The following RNF150 variants were observed in gnomAD, a reference collection of about 807,000 sequenced individuals.
RNF150 encodes the protein ring finger protein 150.
A neutral mutation model predicts 39.3 loss-of-function variants in RNF150; 24 were observed. The ratio of observed to expected loss-of-function variants is 0.61; its 90% CI spans 0.44 to 0.86. RNF150 has a LOEUF of 0.86. Among genes scored for constraint, RNF150 ranks in the 40% least tolerant of loss-of-function variants. The probability of loss-of-function intolerance (pLI) is 0.00; values close to 1 mark genes in which losing one functional copy is unlikely to be tolerated. For synonymous variants in RNF150, 255 were observed against 227.3 expected (o/e 1.12, Z -1.10); for missense variants, 502 against 587.8 (o/e 0.85, Z 1.51).
Position 140,989,100 on chromosome 4 carries a change from A to G in RNF150, c.485-21227T>C, listed in dbSNP as rs191031156. Among the ~76,000 whole-genome samples the G allele has an allele frequency of 2.0e-5, 3 of 152,258 alleles. No homozygotes were observed. The East Asian group carries it at 5.8e-4, about 29-fold the overall frequency. On this transcript the variant is annotated intron_variant, in intron 1 of 6. Transcript: ENST00000515673. ...AACTGTAGCAGTTTAGCTTCATTGT[A>G]GTTAAAACCTGGTTGCTTCCAAAGT...
At chr4:140,882,294 CA>C (rs2111206726) in intron 6 of RNF150, among the ~76,000 whole-genome samples, 1 of 152,338 alleles carries the variant, frequency 6.6e-6, no homozygotes, top group East Asian at 1.9e-4. Context: ...GCTGGGATTA[CA>C]GGTGTGAGCC....
chr4:141,207,231 T>C (rs1203182978), intron 1 of RNF150, among the ~76,000 whole-genome samples: 1 of 151,080 alleles, frequency 6.6e-6, no homozygotes, highest in Non-Finnish European at 1.5e-5. Context: ...ATATTAACCA[T>C]CACACAGATT....
At chr4:140,918,107 CA>C (rs1730923868) in intron 5 of RNF150, among the ~76,000 whole-genome samples, 1 of 152,016 alleles carries the variant, frequency 6.6e-6, no homozygotes, top group Admixed American at 6.6e-5. Context: ...CCAAAATTGA[CA>C]CCCTAACATC....
intron 1 of RNF150, among the ~76,000 whole-genome samples, chr4:141,106,800 A>T (rs1414609445): frequency 6.6e-6 from 1 of 152,042 alleles, no homozygotes; most frequent in East Asian, 1.9e-4. Context: ...ATCTCAAAAA[A>T]AATAATATAT....
chr4:141,080,385 C>G (rs925350326), intron 1 of RNF150, among the ~76,000 whole-genome samples: 1 of 152,242 alleles, frequency 6.6e-6, no homozygotes, highest in African/African-American at 2.4e-5. Flanking sequence ...AATCACCTGT[C>G]TGCATTCTAG....
chr4:141,167,236 A>G (rs1407243085), intron 1 of RNF150, among the ~76,000 whole-genome samples: 1 of 152,176 alleles, frequency 6.6e-6, no homozygotes, highest in Non-Finnish European at 1.5e-5. Context: ...TACAACTTAC[A>G]AGGGATGTGA....
intron 1 of RNF150, among the ~76,000 whole-genome samples, chr4:141,130,451 C>A (rs1000093097): frequency 6.6e-6 from 1 of 152,186 alleles, no homozygotes; most frequent in East Asian, 1.9e-4. Context: ...TACAGTATTA[C>A]TAAACTTCCA....
At chr4:140,909,542 C>T (rs62345037) in intron 6 of RNF150, among the ~76,000 whole-genome samples, 5,778 of 152,134 alleles carry the variant, frequency 0.038, 169 homozygotes, top group Admixed American at 0.076. Context: ...ATGAAATACA[C>T]ACCAGATTCT....
At chr4:141,080,621 T>C (rs1229735806) in intron 1 of RNF150, among the ~76,000 whole-genome samples, 2 of 152,228 alleles carry the variant, frequency 1.3e-5, no homozygotes, top group African/African-American at 4.8e-5. Context: ...TGAAGTTGCA[T>C]GTTTTTTGTT....
rs536792136 is a variant in RNF150, at chr4:140,984,524, A to G, written c.485-16651T>C. Among the ~76,000 whole-genome samples, 10 of 152,258 alleles carry G rather than the reference A, an allele frequency of 6.6e-5. No homozygotes were observed. The South Asian group carries it at 2.1e-3, about 32-fold the overall frequency. The stretch of plus-strand genomic sequence containing the variant: ...TGAGTTTGTATTCTGAAAAAGCTAC[A>G]AAGGTCTGAAACATACCTTCCTGTC... On this transcript the variant is annotated intron_variant, in intron 1 of 6. Transcript: ENST00000515673.
chr4:141,206,063 T>C (rs2111223974), intron 1 of RNF150, among the ~76,000 whole-genome samples: 1 of 152,296 alleles, frequency 6.6e-6, no homozygotes, highest in Non-Finnish European at 1.5e-5. Context: ...GGGTCTGCTT[T>C]GCTGTCGTTG....
At chr4:141,143,366 T>C (rs1454354078) in intron 1 of RNF150, among the ~76,000 whole-genome samples, 1 of 152,126 alleles carries the variant, frequency 6.6e-6, no homozygotes, top group Non-Finnish European at 1.5e-5. Flanking sequence ...AGCTAAGAGT[T>C]TTTTATTCCT....
intron 1 of RNF150, among the ~76,000 whole-genome samples, chr4:141,064,917 G>A (rs906140732): frequency 2.0e-5 from 3 of 152,192 alleles, no homozygotes; most frequent in Non-Finnish European, 4.4e-5. Context: ...CCAGGCTGGA[G>A]TGCAATGGCA....
chr4:140,919,796 G>C (rs1179486017), intron 5 of RNF150, among the ~76,000 whole-genome samples: 2 of 131,378 alleles, frequency 1.5e-5, no homozygotes, highest in Non-Finnish European at 3.5e-5. Context: ...TGGTTACAAG[G>C]CTACGGTAAT....
chr4:141,058,619 T>C (rs1737088618), intron 1 of RNF150, among the ~76,000 whole-genome samples: 1 of 152,108 alleles, frequency 6.6e-6, no homozygotes, highest in Admixed American at 6.6e-5. Flanking sequence ...CAATATCACA[T>C]TAGACAATTA....
At chr4:141,086,059 CA>C (rs1578712609) in intron 1 of RNF150, among the ~76,000 whole-genome samples, 2 of 151,424 alleles carry the variant, frequency 1.3e-5, no homozygotes, top group Admixed American at 6.6e-5. Flanking sequence ...CACACACACA[CA>C]CACACACACC....
chr4:140,953,824 C>T (rs896732525), intron 2 of RNF150, among the ~76,000 whole-genome samples: 1 of 152,064 alleles, frequency 6.6e-6, no homozygotes, highest in African/African-American at 2.4e-5. Flanking sequence ...TAAGTAAAAA[C>T]ATAAACATTC....
At chr4:141,090,109 C>A (rs763925860) in intron 1 of RNF150, among the ~76,000 whole-genome samples, 1 of 152,186 alleles carries the variant, frequency 6.6e-6, no homozygotes, top group Non-Finnish European at 1.5e-5. Flanking sequence ...ACAATGTTAA[C>A]ATGTGACTTC....
intron 1 of RNF150, among the ~76,000 whole-genome samples, chr4:141,187,173 G>A (rs1326739910): frequency 2.0e-5 from 3 of 152,192 alleles, no homozygotes; most frequent in African/African-American, 7.2e-5. Context: ...TTTTGAGTGA[G>A]TGTCTTACTC....
Sources: allele counts gnomAD v4.1 joint callset (sites outside exome capture counted in the v4.1 genomes callset), GRCh38; gene constraint gnomAD v4.1.1; transcripts MANE v1.5; gene names NCBI Gene and HGNC (gene_info 2026-07-23, HGNC 2026-07-21).